CACNA1E: variants seen among roughly 807,000 people sequenced by gnomAD.
The protein encoded by CACNA1E is calcium voltage-gated channel subunit alpha1 E, also known as voltage-dependent R-type calcium channel subunit alpha-1E.
A neutral mutation model predicts 259.2 loss-of-function variants in CACNA1E; 40 were observed. That is an observed-to-expected ratio of 0.15 (90% CI 0.12 to 0.20). The LOEUF (loss-of-function observed/expected upper bound fraction) is 0.20, where lower values mean the gene tolerates loss of function less well. Among genes scored for constraint, CACNA1E ranks in the 10% least tolerant of loss-of-function variants. The pLI, the probability that CACNA1E is intolerant of heterozygous loss-of-function variation, is 1.00. For missense variants in CACNA1E, 1,874 were observed against 3,040.1 expected (o/e 0.62, Z 9.02); for synonymous variants, 1,104 against 1,138.5 (o/e 0.97, Z 0.61).
intron 7 of CACNA1E, among the ~76,000 whole-genome samples, chr1:181,664,897 G>A (rs985757038): frequency 6.6e-6 from 1 of 152,086 alleles, no homozygotes; most frequent in African/African-American, 2.4e-5. Context: ...TCAAAACAAG[G>A]TACTGTTTTA....
At chr1:181,432,914 C>T (rs1042726328) in intron 2 of CACNA1E, among the ~76,000 whole-genome samples, 3 of 152,104 alleles carry the variant, frequency 2.0e-5, no homozygotes, top group Non-Finnish European at 4.4e-5. Context: ...TTATTTAATC[C>T]AATGCACCAA....
chr1:181,669,775 A>G (rs926405175), intron 7 of CACNA1E, among the ~76,000 whole-genome samples: 1 of 152,326 alleles, frequency 6.6e-6, no homozygotes, highest in Admixed American at 6.5e-5. Context: ...TTCAGTGTGC[A>G]TAATTCCCCT....
At chr1:181,733,357 C>G (rs574452917) in intron 20 of CACNA1E, 80 bp from the exon 21 acceptor site, 1 of 1,278,964 alleles carries the variant, frequency 7.8e-7, no homozygotes, top group East Asian at 2.5e-5. Context: ...TGAGCTTCCC[C>G]GCCTTCCCCT....
chr1:181,373,644 T>G (rs1018255670), intron 1 of CACNA1E, among the ~76,000 whole-genome samples: 3 of 151,590 alleles, frequency 2.0e-5, no homozygotes, highest in African/African-American at 7.3e-5. Context: ...TTCACGCCAT[T>G]CTCCTGCCTC....
chr1:181,321,359 C>T (rs1343026101), intron 1 of CACNA1E, among the ~76,000 whole-genome samples: 2 of 152,200 alleles, frequency 1.3e-5, no homozygotes, highest in African/African-American at 4.8e-5. Context: ...GCTCATGAAT[C>T]CTACCTGGGG....
upstream of CACNA1E, among the ~76,000 whole-genome samples, chr1:181,478,899 C>T (rs1378082287): frequency 6.6e-6 from 1 of 152,212 alleles, no homozygotes; most frequent in Non-Finnish European, 1.5e-5. Context: ...TGTTTTCTGC[C>T]TTTTCCAGAA....
At chr1:181,492,132 C>T (rs780399648) in intron 1 of CACNA1E, among the ~76,000 whole-genome samples, 1 of 152,106 alleles carries the variant, frequency 6.6e-6, no homozygotes, top group South Asian at 2.1e-4. Flanking sequence ...GAAAACAAAA[C>T]AAAACAAAAC....
chr1:181,699,730 G>A (rs1434716942), intron 7 of CACNA1E, among the ~76,000 whole-genome samples: 1 of 152,138 alleles, frequency 6.6e-6, no homozygotes, highest in Non-Finnish European at 1.5e-5. Context: ...GGACTAGGGT[G>A]ACAGCAGTGG....
At chr1:181,462,351 G>C (rs1467385607) in intron 2 of CACNA1E, among the ~76,000 whole-genome samples, 1 of 152,168 alleles carries the variant, frequency 6.6e-6, no homozygotes, top group South Asian at 2.1e-4. Flanking sequence ...TTCAGGAAAG[G>C]TTGTGCTAAT....
chr1:181,514,712 C>G (rs1438320284), intron 3 of CACNA1E, among the ~76,000 whole-genome samples: 1 of 152,120 alleles, frequency 6.6e-6, no homozygotes, highest in African/African-American at 2.4e-5. Flanking sequence ...TCGGTGCTGA[C>G]AGGAGGGAAG....
Position 181,716,997 on chromosome 1 carries a change from C to A in CACNA1E, c.1316-96C>A, listed in dbSNP as rs1653956605. The A allele has an allele frequency of 6.1e-6, 6 of 977,708 alleles. No individual in the cohort carries two copies. In the South Asian group the frequency reaches 8.5e-5, roughly 14 times the overall value. 60.6% of individuals were successfully genotyped at this position (977,708 alleles called of 1,614,324 possible). A position where few individuals can be genotyped will look rare whatever the true frequency, so the allele number is the denominator to read the frequency against. ...CCTGCAATGTGGCAGTCACCTTGCCCTGGGACTAGAGCAGCCCATCTTGCC... is the reference window on the plus strand; with the variant it reads ...CCTGCAATGTGGCAGTCACCTTGCCATGGGACTAGAGCAGCCCATCTTGCC... On this transcript the variant is annotated intron_variant, in intron 10 of 47. Coordinates refer to ENST00000367573, the MANE Select transcript of CACNA1E (RefSeq NM_001205293.3).
At chr1:181,356,748 A>T (rs1174841252) in intron 1 of CACNA1E, among the ~76,000 whole-genome samples, 1 of 152,172 alleles carries the variant, frequency 6.6e-6, no homozygotes, top group African/African-American at 2.4e-5. Context: ...TCTTCCTACC[A>T]GGGCGGGCTC....
At chr1:181,762,434 C>A in intron 32 of CACNA1E, 140 bp from the exon 33 acceptor site, 1 of 613,986 alleles carries the variant, frequency 1.6e-6, no homozygotes, top group Non-Finnish European at 2.9e-6. Flanking sequence ...GAAACTGAAG[C>A]CAAAGTAAGA....
chr1:181,685,419 G>A (rs1474113369), intron 7 of CACNA1E, among the ~76,000 whole-genome samples: 1 of 152,056 alleles, frequency 6.6e-6, no homozygotes, highest in Non-Finnish European at 1.5e-5. Flanking sequence ...AACCCAGTGT[G>A]GTCTATCTTC....
chr1:181,544,242 C>G (rs758381684), intron 3 of CACNA1E, among the ~76,000 whole-genome samples: 1 of 152,106 alleles, frequency 6.6e-6, no homozygotes, highest in Non-Finnish European at 1.5e-5. Context: ...TTAAAAAGTT[C>G]AGAATGAGCA....
At chr1:181,775,545 C>T (rs1483429424) in intron 37 of CACNA1E, among the ~76,000 whole-genome samples, 1 of 152,180 alleles carries the variant, frequency 6.6e-6, no homozygotes, top group African/African-American at 2.4e-5. Flanking sequence ...GTTCCTGTTG[C>T]TTACAGAACA....
chr1:181,771,531 CA>C (rs1659513460), intron 36 of CACNA1E, 147 bp downstream of exon 36: 3 of 617,482 alleles, frequency 4.9e-6, no homozygotes, highest in Non-Finnish European at 8.8e-6. Flanking sequence ...ATGTCTTTGC[CA>C]AACTGCCCCT....
At chr1:181,413,959 C>G (rs1658073583) in intron 2 of CACNA1E, among the ~76,000 whole-genome samples, 1 of 152,228 alleles carries the variant, frequency 6.6e-6, no homozygotes, top group African/African-American at 2.4e-5. Flanking sequence ...ATCTTTACTT[C>G]AGGAACTGCA....
intron 7 of CACNA1E, among the ~76,000 whole-genome samples, chr1:181,702,407 C>A (rs4652674): frequency 0.46 from 69,349 of 151,934 alleles, 18,281 homozygotes; most frequent in East Asian, 0.74. Flanking sequence ...CTGCTTCCAC[C>A]CTTAATCCCC....
Sources: gnomAD v4.1 joint callset for allele counts (sites outside exome capture counted in the v4.1 genomes callset) on GRCh38, gnomAD v4.1.1 for gene constraint, MANE v1.5 for transcripts, NCBI Gene and HGNC (gene_info 2026-07-23, HGNC 2026-07-21) for gene names.